Variants in PCDHGA9 observed in about 807,000 individuals in gnomAD.
PCDHGA9 encodes protocadherin gamma-A9.
Under a neutral mutation model 62.5 loss-of-function variants are expected in PCDHGA9, and 37 were observed. The observed-to-expected ratio is 0.59, with a 90% CI of 0.46 to 0.78. The LOEUF (loss-of-function observed/expected upper bound fraction) is 0.78. Ranked by LOEUF, PCDHGA9 falls within the 30% of genes least tolerant of loss-of-function variation. The pLI, the probability that PCDHGA9 is intolerant of heterozygous loss-of-function variation, is 0.00. For missense variants in PCDHGA9, 1,138 were observed against 1,166.2 expected (o/e 0.98, Z 0.35); for synonymous variants, 459 against 484.6 (o/e 0.95, Z 0.69).
chr5:141,404,461 C>T lies in PCDHGA9; in HGVS notation c.1509C>T (p.Thr503=). 2 of 1,613,208 alleles carry T rather than the reference C, an allele frequency of 1.2e-6. No homozygotes were observed. The highest frequency in any genetic ancestry group is 1.7e-6 in the Non-Finnish European group (2 of 1,179,238). Residue 503 remains threonine, a synonymous_variant, in exon 1 of 4, where the codon ACC becomes ACT. Transcript: ENST00000573521. The part of the protein sequence containing the change: ...EDTIQGSPLS[T]YVSINSDTGV... ...CCATCCAAGGGTCTCCTCTCTCCACCTATGTCTCTATTAACTCAGACACTG... is the reference window on the plus strand; with the variant it reads ...CCATCCAAGGGTCTCCTCTCTCCACTTATGTCTCTATTAACTCAGACACTG...
At chr5:141,424,577 A>T (rs958508704) in intron 1 of PCDHGA9, 1 of 152,206 alleles carries the variant, frequency 6.6e-6, no homozygotes, top group Non-Finnish European at 1.5e-5. Context: ...ACCTATTTTC[A>T]AATGTGCTAA....
intron 1 of PCDHGA9, among the ~76,000 whole-genome samples, chr5:141,448,001 G>A (rs143950707): frequency 0.046 from 7,030 of 151,928 alleles, 245 homozygotes; most frequent in African/African-American, 0.093. Context: ...CATGAGAATC[G>A]CTTGAACCCA....
intron 1 of PCDHGA9, chr5:141,413,835 C>T (rs762735722): frequency 1.9e-6 from 3 of 1,613,258 alleles, no homozygotes. Context: ...CCGCCTCCGA[C>T]GGGGGTGACC....
intron 1 of PCDHGA9, among the ~76,000 whole-genome samples, chr5:141,453,076 G>A (rs2098755408): frequency 1.3e-5 from 2 of 151,984 alleles, no homozygotes; most frequent in Admixed American, 6.6e-5. Flanking sequence ...CCACACTCTG[G>A]TTGATTAGTA....
At chr5:141,478,016 G>A (rs1204231648) in intron 1 of PCDHGA9, 1 of 1,614,108 alleles carries the variant, frequency 6.2e-7, no homozygotes, top group Non-Finnish European at 8.5e-7. Context: ...TGCCCGTCCA[G>A]TCCAAGACAC....
rs1264017483 is a variant in PCDHGA9 at position 141,477,989 on chromosome 5, A to G, written c.2425-16818A>G. The G allele has an allele frequency of 5.6e-6, 9 of 1,614,086 alleles. No individual in the cohort carries two copies. The highest frequency in any genetic ancestry group is 1.6e-4 in the Middle Eastern group (1 of 6,062). On this transcript the variant is annotated intron_variant, in intron 1 of 3. Coordinates refer to ENST00000573521, the MANE Select transcript of PCDHGA9 (RefSeq NM_018921.3). The surrounding 1 kb of genome is among the most constrained non-coding windows in gnomAD (Gnocchi z 4.9). ...GAGCCTTTTTGCCATAGGGCTGCACACTGGTCAAATCAGTACTGCCCGTCC... is the reference window on the plus strand; with the variant it reads ...GAGCCTTTTTGCCATAGGGCTGCACGCTGGTCAAATCAGTACTGCCCGTCC...
intron 1 of PCDHGA9, among the ~76,000 whole-genome samples, chr5:141,406,353 T>G (rs1380718525): frequency 6.6e-6 from 1 of 152,196 alleles, no homozygotes; most frequent in Admixed American, 6.5e-5. Context: ...CAGGTCATAC[T>G]ATGTTTGTAA....
At chr5:141,409,687 C>A (rs1190888512) in intron 1 of PCDHGA9, 2 of 1,613,202 alleles carry the variant, frequency 1.2e-6, no homozygotes, top group East Asian at 4.5e-5. Context: ...TGGCGAGTGA[C>A]CTAGAGCCCC....
At position 141,487,769 on chromosome 5, in the gene PCDHGA9, T is replaced by C. The variant is rs775270506; in HGVS notation, c.2425-7038T>C. Reference sequence around the variant, plus strand: ...TAACTATGTGGTAGACGCTGTGCTTTGTAACTGTTTCGTGAATTAACCAGA... The same window carrying C: ...TAACTATGTGGTAGACGCTGTGCTTCGTAACTGTTTCGTGAATTAACCAGA... On this transcript the variant is annotated intron_variant, in intron 1 of 3. Transcript: ENST00000573521. The surrounding 1 kb of genome is among the most constrained non-coding windows in gnomAD (Gnocchi z 5.0). 8 of 1,538,288 alleles carry C rather than the reference T, an allele frequency of 5.2e-6. No homozygotes were observed. The highest frequency in any genetic ancestry group is 1.2e-5 in the South Asian group (1 of 82,608).
intron 1 of PCDHGA9, among the ~76,000 whole-genome samples, chr5:141,473,191 G>A (rs28479996): frequency 0.019 from 2,957 of 152,242 alleles, 87 homozygotes; most frequent in African/African-American, 0.062. Context: ...AGGAGTAAAT[G>A]TATCTTCTAA....
intron 1 of PCDHGA9, among the ~76,000 whole-genome samples, chr5:141,462,035 C>G (rs35674654): frequency 2.0e-5 from 3 of 152,076 alleles, no homozygotes; most frequent in Non-Finnish European, 4.4e-5. Context: ...GTTGGTCAGG[C>G]GGGTCTTGAA....
Position 141,405,325 on chromosome 5 carries a change from G to A in PCDHGA9, c.2373G>A (p.Leu791=). ...SQQSCEKNEP[L]CVSVDSKFPI... ...AGAGCTGTGAGAAAAATGAGCCTTT[G>A]TGCGTCTCTGTTGATTCCAAGTTTC... Residue 791 remains leucine, a synonymous_variant, in exon 1 of 4, where the codon TTG becomes TTA. Transcript: ENST00000573521. The A allele has an allele frequency of 5.6e-6, 9 of 1,614,170 alleles. No homozygotes were observed. Among genetic ancestry groups the A allele is most frequent in the African/African-American group, 1.3e-5 (1 of 75,032 alleles).
At chr5:141,445,558 G>A (rs1172697298) in intron 1 of PCDHGA9, among the ~76,000 whole-genome samples, 1 of 152,172 alleles carries the variant, frequency 6.6e-6, no homozygotes, top group Non-Finnish European at 1.5e-5. Flanking sequence ...AAAGCACTAA[G>A]AGAAAGCTTA....
chr5:141,433,093 G>A (rs1203083573), intron 1 of PCDHGA9: 4 of 1,614,206 alleles, frequency 2.5e-6, no homozygotes, highest in Admixed American at 1.7e-5. Flanking sequence ...ATGCAGACAT[G>A]CTCGTCAGCC....
At chr5:141,412,729 T>C (rs1411212101) in intron 1 of PCDHGA9, 1 of 153,332 alleles carries the variant, frequency 6.5e-6, no homozygotes, top group Non-Finnish European at 1.5e-5. Flanking sequence ...GAAAACGTGT[T>C]GCAAATATAT....
chr5:141,403,204 G>A lies in PCDHGA9; in HGVS notation c.252G>A (p.Leu84=). 2.5e-6 allele frequency: 4 copies of A among 1,613,952 alleles called. No homozygotes were observed. Among genetic ancestry groups the A allele is most frequent in the Non-Finnish European group, 3.4e-6 (4 of 1,179,906 alleles). The change falls in exon 1 of 4, where the codon TTG becomes TTA. Residue 84 remains leucine (L), a synonymous_variant. Coordinates refer to ENST00000573521, the MANE Select transcript of PCDHGA9 (RefSeq NM_018921.3). ...LFSLNPRSGT[L]VTAGRIDREE... Reference sequence around the variant, plus strand: ...CTCTGAACCCGCGCAGCGGCACCTTGGTCACCGCGGGTAGGATAGACCGGG... The same window carrying A: ...CTCTGAACCCGCGCAGCGGCACCTTAGTCACCGCGGGTAGGATAGACCGGG...
At chr5:141,409,334 G>A (rs767579166) in intron 1 of PCDHGA9, 1 of 1,613,974 alleles carries the variant, frequency 6.2e-7, no homozygotes, top group South Asian at 1.1e-5. Flanking sequence ...GGATTTCGGA[G>A]GAAATGGAGA....
chr5:141,414,635 A>G (rs753834653), intron 1 of PCDHGA9: 72 of 1,613,866 alleles, frequency 4.5e-5, no homozygotes, highest in Admixed American at 2.0e-4. Flanking sequence ...GACAGCAAAG[A>G]GAATGCCCAG....
rs771408685 is a variant in PCDHGA9, at chr5:141,486,166, G to T, written c.2425-8641G>T. ...GCGATGGGGGTTCTCCAGCCATGGA[G>T]CAACATTGCAGCCTTCGAGTGGATC... is the stretch of plus-strand genomic sequence containing the variant. On this transcript the variant is annotated intron_variant, in intron 1 of 3. Transcript: ENST00000573521. The surrounding 1 kb of genome is among the most constrained non-coding windows in gnomAD (Gnocchi z 5.0). 1.9e-6 allele frequency: 3 copies of T among 1,614,106 alleles called. No homozygotes were observed. Among genetic ancestry groups the T allele is most frequent in the Non-Finnish European group, 2.5e-6 (3 of 1,180,048 alleles).
Sources: allele counts gnomAD v4.1 joint callset (sites outside exome capture counted in the v4.1 genomes callset), GRCh38; gene constraint gnomAD v4.1.1; non-coding constraint Gnocchi (gnomAD v3.1); transcripts MANE v1.5; gene names NCBI Gene and HGNC (gene_info 2026-07-23, HGNC 2026-07-21).